Variants in UMAD1 observed in about 807,000 individuals in gnomAD.
The protein encoded by UMAD1 is UBAP1-MVB12-associated (UMA) domain containing 1.
A neutral mutation model predicts 6.1 loss-of-function variants in UMAD1; 8 were observed. The ratio of observed to expected loss-of-function variants is 1.30; its 90% CI spans 0.76 to 2.35. The LOEUF is 2.35. Among genes scored for constraint, UMAD1 ranks in the 30% most tolerant of loss-of-function variants. The probability of loss-of-function intolerance (pLI) is 0.00; values close to 1 mark genes in which losing one functional copy is unlikely to be tolerated. For synonymous variants in UMAD1, 56 were observed against 31.4 expected (o/e 1.78, Z -2.61); for missense variants, 130 against 78.4 (o/e 1.66, Z -2.49).
At chr7:7,833,527 G>T (rs1394539659) in intron 3 of UMAD1, among the ~76,000 whole-genome samples, 1 of 152,138 alleles carries the variant, frequency 6.6e-6, no homozygotes, top group Non-Finnish European at 1.5e-5. Flanking sequence ...ACAGAGTGCA[G>T]GTGGTCAACA....
At chr7:7,865,204 A>C (rs1336027601) in intron 3 of UMAD1, among the ~76,000 whole-genome samples, 1 of 152,236 alleles carries the variant, frequency 6.6e-6, no homozygotes, top group African/African-American at 2.4e-5. Flanking sequence ...TCGTCAGTCA[A>C]AAGTACCTGT....
chr7:7,840,991 C>G (rs1227686256), intron 3 of UMAD1, among the ~76,000 whole-genome samples: 1 of 152,190 alleles, frequency 6.6e-6, no homozygotes, highest in Admixed American at 6.5e-5. Context: ...AAGGCTAAGA[C>G]AGCTGGTTGC....
At chr7:7,780,266 A>T (rs1385237533) in intron 2 of UMAD1, among the ~76,000 whole-genome samples, 2 of 152,188 alleles carry the variant, frequency 1.3e-5, no homozygotes, top group Non-Finnish European at 2.9e-5. Context: ...ATGAGAGACC[A>T]TAGGGGTATT....
chr7:7,663,234 G>A (rs1305643523), intron 1 of UMAD1, among the ~76,000 whole-genome samples: 1 of 147,864 alleles, frequency 6.8e-6, no homozygotes, highest in African/African-American at 2.5e-5. Flanking sequence ...TCCACTCAAG[G>A]GTTGGAACTT....
intron 2 of UMAD1, among the ~76,000 whole-genome samples, chr7:7,764,544 C>T (rs1334141900): frequency 5.3e-5 from 8 of 152,014 alleles, no homozygotes. Flanking sequence ...AATACCTAGG[C>T]CAATTATGCA....
chr7:7,818,309 G>C (rs1297318871), intron 3 of UMAD1, among the ~76,000 whole-genome samples: 1 of 152,106 alleles, frequency 6.6e-6, no homozygotes, highest in Non-Finnish European at 1.5e-5. Flanking sequence ...CAAAGGATAT[G>C]GTCTTGTTCT....
chr7:7,849,847 G>A (rs932235320), intron 3 of UMAD1, among the ~76,000 whole-genome samples: 1 of 152,134 alleles, frequency 6.6e-6, no homozygotes, highest in Non-Finnish European at 1.5e-5. Context: ...GACAGAGCAG[G>A]CCTCTCTGAG....
At chr7:7,646,028 C>T (rs1021850874) in intron 1 of UMAD1, among the ~76,000 whole-genome samples, 1 of 152,092 alleles carries the variant, frequency 6.6e-6, no homozygotes, top group East Asian at 1.9e-4. Flanking sequence ...TGAGCAGGTG[C>T]AGGAGTTGGG....
intron 2 of UMAD1, among the ~76,000 whole-genome samples, chr7:7,761,547 C>T (rs547871759): frequency 6.0e-4 from 92 of 152,130 alleles, no homozygotes; most frequent in African/African-American, 2.0e-3. Flanking sequence ...TTTGTGGGTG[C>T]GAGTAATAGG....
intron 2 of UMAD1, among the ~76,000 whole-genome samples, chr7:7,786,247 G>A (rs947947354): frequency 3.3e-5 from 5 of 152,136 alleles, no homozygotes; most frequent in South Asian, 2.1e-4. Context: ...TGGTTCCTCA[G>A]TGTTTCCATG....
intron 3 of UMAD1, among the ~76,000 whole-genome samples, chr7:7,854,788 A>C (rs1783983909): frequency 6.6e-6 from 1 of 152,134 alleles, no homozygotes; most frequent in African/African-American, 2.4e-5. Flanking sequence ...TCCAGCATTA[A>C]CCCAAAAATC....
intron 2 of UMAD1, among the ~76,000 whole-genome samples, chr7:7,677,466 A>C (rs1779771062): frequency 6.6e-6 from 1 of 151,986 alleles, no homozygotes; most frequent in Admixed American, 6.6e-5. Context: ...GTTCAATTTG[A>C]AAAAAACTGA....
chr7:7,831,131 G>T (rs1583857798), intron 3 of UMAD1, among the ~76,000 whole-genome samples: 1 of 152,194 alleles, frequency 6.6e-6, no homozygotes, highest in Admixed American at 6.5e-5. Context: ...GGATTCTCCT[G>T]ACTATTAATT....
chr7:7,713,507 A>G (rs1266315909), intron 2 of UMAD1, among the ~76,000 whole-genome samples: 1 of 149,210 alleles, frequency 6.7e-6, no homozygotes, highest in African/African-American at 2.5e-5. Context: ...TTGCTTTACT[A>G]TTTATTTTCT....
chr7:7,789,617 T>TCCCCCCCCCCCCCCCCC (rs201727587), intron 2 of UMAD1, among the ~76,000 whole-genome samples: 4 of 101,042 alleles, frequency 4.0e-5, no homozygotes, highest in African/African-American at 1.1e-4. Flanking sequence ...AAATACCCCT[T>TCCCCCCCCCCCCCCCCC]CTCCCCTCCC....
chr7:7,777,852 A>C (rs1344301276), intron 2 of UMAD1, among the ~76,000 whole-genome samples: 1 of 152,086 alleles, frequency 6.6e-6, no homozygotes, highest in Admixed American at 6.5e-5. Flanking sequence ...ACACAGGGCT[A>C]TTTCTGGAAA....
At chr7:7,821,774 C>T (rs1199302621) in intron 3 of UMAD1, among the ~76,000 whole-genome samples, 1 of 152,288 alleles carries the variant, frequency 6.6e-6, no homozygotes, top group East Asian at 1.9e-4. Context: ...TACTGTTTCT[C>T]TCCTTTCTGC....
chr7:7,820,756 A>G (rs1049270950), intron 3 of UMAD1, among the ~76,000 whole-genome samples: 1 of 152,178 alleles, frequency 6.6e-6, no homozygotes, highest in East Asian at 1.9e-4. Flanking sequence ...TCTCATGAGG[A>G]AAATGTACAA....
At chr7:7,689,311 T>C (rs1050647189) in intron 2 of UMAD1, 5 of 152,190 alleles carry the variant, frequency 3.3e-5, no homozygotes, top group African/African-American at 1.2e-4. Context: ...TGATGTTTTA[T>C]CTATCATTGC....
Sources: gnomAD v4.1 joint callset for allele counts (sites outside exome capture counted in the v4.1 genomes callset) on GRCh38, gnomAD v4.1.1 for gene constraint, MANE v1.5 for transcripts, NCBI Gene and HGNC (gene_info 2026-07-23, HGNC 2026-07-21) for gene names.